Variants in PCDH11X observed in about 807,000 individuals in gnomAD.
PCDH11X encodes the protein protocadherin 11 X-linked, also known as protocadherin-11 X-linked.
A neutral mutation model predicts 53.3 loss-of-function variants in PCDH11X; 18 were observed. That is an observed-to-expected ratio of 0.34 (90% CI 0.23 to 0.50). The LOEUF (loss-of-function observed/expected upper bound fraction) is 0.50. Among genes scored for constraint, PCDH11X ranks in the 20% least tolerant of loss-of-function variants. The pLI, the probability that PCDH11X is intolerant of heterozygous loss-of-function variation, is 0.98. For synonymous variants in PCDH11X, 279 were observed against 393.3 expected (o/e 0.71, Z 3.44); for missense variants, 570 against 1,032.4 (o/e 0.55, Z 6.14).
At chrX:91,958,823 G>T (rs1490004156) in intron 6 of PCDH11X, among the ~76,000 whole-genome samples, 1 of 108,405 alleles carries the variant, frequency 9.2e-6, no homozygotes. Flanking sequence ...ATACACCTTT[G>T]TAAACTGTTA....
chrX:92,164,149 CA>C (rs2065691677), intron 6 of PCDH11X, among the ~76,000 whole-genome samples: 2 of 111,796 alleles, frequency 1.8e-5, no homozygotes, highest in South Asian at 7.4e-4. Context: ...CCATCTTGCT[CA>C]AAGTTGGAAG....
At position 92,109,048 on chromosome X, in the gene PCDH11X, C is replaced by T. The variant is rs747416936; in HGVS notation, c.3034-92327C>T. ...GGAGTTTTATTATTACTCAAATCAG[C>T]CTCCCTGAGCATTTGGAGGAATGCT... On this transcript the variant is annotated intron_variant, in intron 6 of 10. Transcript: ENST00000682573. Among the ~76,000 whole-genome samples the T allele has an allele frequency of 4.1e-3, 451 of 110,993 alleles. 3 individuals are homozygous for T. Among genetic ancestry groups the T allele is most frequent in the Middle Eastern group, 9.3e-3 (2 of 215 alleles).
At chrX:92,179,870 C>A (rs769526390) in intron 6 of PCDH11X, among the ~76,000 whole-genome samples, 3 of 111,708 alleles carry the variant, frequency 2.7e-5, no homozygotes, top group South Asian at 7.5e-4. Flanking sequence ...CTCTATGTTA[C>A]CATATTCAGT....
intron 4 of PCDH11X, among the ~76,000 whole-genome samples, chrX:91,819,925 G>C (rs1936593845): frequency 1.0e-5 from 1 of 98,494 alleles, no homozygotes; most frequent in Admixed American, 1.1e-4. Flanking sequence ...TGTGGTGTTT[G>C]GTTTTTTGTT....
At chrX:92,596,532 A>G (rs1193812269) in intron 10 of PCDH11X, among the ~76,000 whole-genome samples, 1 of 104,391 alleles carries the variant, frequency 9.6e-6, no homozygotes, top group Non-Finnish European at 1.9e-5. Context: ...AACCTGAACA[A>G]ACCAATAACA....
chrX:92,111,773 T>G (rs2064518529), intron 6 of PCDH11X, among the ~76,000 whole-genome samples: 1 of 110,448 alleles, frequency 9.1e-6, no homozygotes. Context: ...TATTTATTTA[T>G]CTGAGACAGA....
chrX:92,428,820 G>C (rs975702330), intron 9 of PCDH11X, among the ~76,000 whole-genome samples: 1 of 110,917 alleles, frequency 9.0e-6, no homozygotes, highest in Non-Finnish European at 1.9e-5. Context: ...TTCAGAGCAA[G>C]AGAGCTTTTG....
chrX:92,351,879 T>C (rs12843471), intron 8 of PCDH11X, among the ~76,000 whole-genome samples: 28,050 of 110,427 alleles, frequency 0.25, 2,970 homozygotes, highest in Non-Finnish European at 0.33. Context: ...ATCAATCAAC[T>C]CCTAAACATT....
Position 91,813,391 on chromosome X carries a change from A to G in PCDH11X, c.-45+2096A>G, listed in dbSNP as rs1196174432. ...TTCAAATTTTCCCCATGTGATGCTA[A>G]TCTGAAAATTTCTTAGAGGAAATGA... On this transcript the variant is annotated intron_variant, in intron 4 of 10. Coordinates refer to ENST00000682573, the MANE Select transcript of PCDH11X (RefSeq NM_032968.5). Among the ~76,000 whole-genome samples, 3 of 104,297 alleles carry G rather than the reference A, an allele frequency of 2.9e-5. No individual in the cohort carries two copies. The East Asian group carries it at 8.9e-4, about 31-fold the overall frequency. 90.6% of individuals were successfully genotyped at this position (104,297 alleles called of 115,157 possible).
At chrX:91,928,127 T>C (rs756527227) in intron 6 of PCDH11X, among the ~76,000 whole-genome samples, 1 of 109,106 alleles carries the variant, frequency 9.2e-6, no homozygotes, top group East Asian at 2.9e-4. Flanking sequence ...CCCTTATCTG[T>C]ACTACCAATG....
At chrX:92,060,678 C>T (rs1328524291) in intron 6 of PCDH11X, among the ~76,000 whole-genome samples, 2 of 109,898 alleles carry the variant, frequency 1.8e-5, no homozygotes, top group Admixed American at 9.8e-5. Flanking sequence ...CTTATGGCTA[C>T]ATAGTATTCC....
At chrX:92,472,096 G>A (rs1402705253) in intron 10 of PCDH11X, among the ~76,000 whole-genome samples, 3 of 110,168 alleles carry the variant, frequency 2.7e-5, no homozygotes, top group African/African-American at 9.9e-5. Context: ...TGAAGCAGCC[G>A]TTTCATTTAC....
chrX:92,271,331 T>C (rs895378903), intron 8 of PCDH11X, among the ~76,000 whole-genome samples: 1 of 112,295 alleles, frequency 8.9e-6, no homozygotes, highest in Non-Finnish European at 1.9e-5. Flanking sequence ...AGGTAACGTA[T>C]TGTTAACAGT....
chrX:92,275,568 A>G (rs1455534169), intron 8 of PCDH11X, among the ~76,000 whole-genome samples: 1 of 111,464 alleles, frequency 9.0e-6, no homozygotes, highest in Non-Finnish European at 1.9e-5. Context: ...AGAACAGAAT[A>G]ATGGGTAGTA....
intron 6 of PCDH11X, among the ~76,000 whole-genome samples, chrX:92,047,636 A>T (rs190009250): frequency 1.8e-5 from 2 of 111,311 alleles, no homozygotes; most frequent in African/African-American, 6.5e-5. Context: ...AAAGGTGAGC[A>T]GCATTTTCTA....
At chrX:92,593,153 G>T (rs1456839625) in intron 10 of PCDH11X, among the ~76,000 whole-genome samples, 1 of 110,420 alleles carries the variant, frequency 9.1e-6, no homozygotes, top group African/African-American at 3.3e-5. Flanking sequence ...TGTAAATTAG[G>T]CAGGTCAGAT....
intron 7 of PCDH11X, among the ~76,000 whole-genome samples, chrX:92,218,545 G>A (rs1352917565): frequency 9.0e-6 from 1 of 110,715 alleles, no homozygotes; most frequent in Non-Finnish European, 1.9e-5. Context: ...TGAAATTGTG[G>A]CAATAATCAA....
intron 6 of PCDH11X, among the ~76,000 whole-genome samples, chrX:92,032,221 C>T (rs2063062323): frequency 9.1e-6 from 1 of 110,200 alleles, no homozygotes; most frequent in Non-Finnish European, 1.9e-5. Context: ...GTTAATTCCT[C>T]GGTATTCATT....
At chrX:92,455,020 G>A (rs1455504155) in intron 9 of PCDH11X, among the ~76,000 whole-genome samples, 1 of 109,131 alleles carries the variant, frequency 9.2e-6, no homozygotes, top group Non-Finnish European at 1.9e-5. Context: ...ATATGACTGG[G>A]TTTTGATTAT....
Sources: allele counts gnomAD v4.1 joint callset (sites outside exome capture counted in the v4.1 genomes callset), GRCh38; gene constraint gnomAD v4.1.1; transcripts MANE v1.5; gene names NCBI Gene and HGNC (gene_info 2026-07-23, HGNC 2026-07-21).